Variants in CD1A observed in about 807,000 individuals in gnomAD.
The protein encoded by CD1A is CD1a molecule, also known as T-cell surface glycoprotein CD1a.
Under a neutral mutation model 38.3 loss-of-function variants are expected in CD1A, and 50 were observed. That is an observed-to-expected ratio of 1.30 (90% CI 1.04 to 1.65). The LOEUF (loss-of-function observed/expected upper bound fraction) is 1.65. Ranked by LOEUF, CD1A falls within the 40% of genes most tolerant of loss-of-function variation. CD1A has a pLI of 0.00. For missense variants in CD1A, 459 were observed against 406.1 expected (o/e 1.13, Z -1.12); for synonymous variants, 160 against 150.8 (o/e 1.06, Z -0.45).
intron 2 of CD1A, among the ~76,000 whole-genome samples, chr1:158,255,594 A>G (rs908856298): frequency 6.6e-6 from 1 of 152,146 alleles, no homozygotes; most frequent in Admixed American, 6.5e-5. Context: ...ATCTTTTCTT[A>G]CAGGTATCCC....
Position 158,257,777 on chromosome 1 carries a change from G to A in CD1A, c.*87G>A, listed in dbSNP as rs115555846. 2.6e-5 allele frequency: 29 copies of A among 1,136,672 alleles called. No individual in the cohort carries two copies. Among genetic ancestry groups the A allele is most frequent in the Non-Finnish European group, 3.4e-5 (26 of 760,372 alleles). The allele number at this position is 1,136,672 out of a possible 1,614,324, so 70.4% of individuals were successfully genotyped here. ...GGCTCCAGACACACCTGAACACATC[G>A]TGATGATGACGTCCTCTCAACTCTC... is the stretch of plus-strand genomic sequence containing the variant. On this transcript the variant is annotated 3_prime_UTR_variant, in exon 6 of 6. Transcript: ENST00000289429.
chr1:158,251,961 G>C (rs1359306289), upstream of CD1A, among the ~76,000 whole-genome samples: 1 of 151,850 alleles, frequency 6.6e-6, no homozygotes, highest in Non-Finnish European at 1.5e-5. Flanking sequence ...GGTTCAAGTA[G>C]CTGAGACTAC....
upstream of CD1A, chr1:158,254,212 A>C (rs1650164604): frequency 9.9e-7 from 1 of 1,014,712 alleles, no homozygotes; most frequent in South Asian, 4.0e-5. Context: ...AAGGGGCTGA[A>C]GAGACAGGGG....
chr1:158,249,208 CGTT>C, the CD1A span, among the ~76,000 whole-genome samples: 1 of 152,134 alleles, frequency 6.6e-6, no homozygotes, highest in Non-Finnish European at 1.5e-5. Context: ...TAATTTGTGG[CGTT>C]GTGCAGAATA....
upstream of CD1A, chr1:158,254,030 GGTTTTTTTTTTTTTTTTT>G (rs1175345428): frequency 0.086 from 3,948 of 45,750 alleles, 277 homozygotes; most frequent in African/African-American, 0.16. Flanking sequence ...GTGTTCCTGT[GGTTTTTTTTTTTTTTTTT>G]TTTTTTTTTT....
the CD1A span, among the ~76,000 whole-genome samples, chr1:158,249,383 A>C: frequency 1.3e-5 from 2 of 152,156 alleles, no homozygotes; most frequent in Non-Finnish European, 2.9e-5. Context: ...TTTCTGGTAC[A>C]TAGAGTACAC....
intron 1 of CD1A, 78 bp downstream of exon 1, chr1:158,254,805 G>A (rs867090771): frequency 1.2e-6 from 1 of 854,096 alleles, no homozygotes. Context: ...GTGTGTGTGT[G>A]TGTGTGTGTG....
rs1650273752 is a variant in CD1A, at chr1:158,256,876, C to CTG, written c.695_696insTG (p.Val233AlafsTer4). The stretch of plus-strand genomic sequence containing the variant: ...CATGTCTCAGGATTCTACCCAAAGC[C>CTG]CGTGTGGGTGATGTGGATGCGGGGT... On this transcript the variant is annotated frameshift_variant, in exon 4 of 6. Coordinates refer to ENST00000289429, the MANE Select transcript of CD1A (RefSeq NM_001763.3). LOFTEE classifies it high-confidence loss of function. 1.2e-6 allele frequency: 2 copies of CTG among 1,614,090 alleles called. No individual in the cohort carries two copies. Among genetic ancestry groups the CTG allele is most frequent in the Non-Finnish European group, 1.7e-6 (2 of 1,180,056 alleles).
At position 158,257,879 on chromosome 1, in the gene CD1A, G is replaced by T; in HGVS notation, c.*189G>T. On this transcript the variant is annotated 3_prime_UTR_variant, in exon 6 of 6. Transcript: ENST00000289429. ...AATATAAGCTCAATTTAATTTTGCA[G>T]GATTTGTTGTTCTGACCTGGGTTCT... 3.4e-6 allele frequency: 2 copies of T among 595,772 alleles called. No individual in the cohort carries two copies. Among genetic ancestry groups the T allele is most frequent in the East Asian group, 2.8e-5 (1 of 36,242 alleles). The allele number at this position is 595,772 out of a possible 1,614,324, so 36.9% of individuals were successfully genotyped here. A position where few individuals can be genotyped will look rare whatever the true frequency, so the allele number is the denominator to read the frequency against.
At chr1:158,257,608 T>C in intron 5 of CD1A, 73 bp from the exon 6 acceptor site, 1 of 1,570,328 alleles carries the variant, frequency 6.4e-7, no homozygotes, top group Non-Finnish European at 8.8e-7. Context: ...CTCTCCCCAG[T>C]CCCCTTCCCT....
Position 158,255,268 on chromosome 1 carries a change from G to A in CD1A, c.243G>A (p.Lys81=). Residue 81 remains lysine, a synonymous_variant, in exon 2 of 6, where the codon AAG becomes AAA. Coordinates refer to ENST00000289429, the MANE Select transcript of CD1A (RefSeq NM_001763.3). ...GAAACTTCAGCAATGAGGAGTGGAA[G>A]GAACTGGAAACATTATTCCGTATAC... ...SRGNFSNEEW[K]ELETLFRIRT... The A allele has an allele frequency of 6.2e-7, 1 of 1,614,142 alleles. No homozygotes were observed. The highest frequency in any genetic ancestry group is 8.5e-7 in the Non-Finnish European group (1 of 1,180,022).
chr1:158,255,076 T>C lies in CD1A; in HGVS notation c.59-8T>C, dbSNP rs372873025. ...TTTCTCCCCATTCTATCTGTTCTTT[T>C]GTCGCAGGGCTCAAGGAGCCTCTCT... is the stretch of plus-strand genomic sequence containing the variant. On this transcript the variant is annotated splice_polypyrimidine_tract_variant and splice_region_variant and intron_variant, in intron 1 of 5. Transcript: ENST00000289429. 3 of 1,612,866 alleles carry C rather than the reference T, an allele frequency of 1.9e-6. No homozygotes were observed. The highest frequency in any genetic ancestry group is 2.5e-6 in the Non-Finnish European group (3 of 1,179,024).
the CD1A span, among the ~76,000 whole-genome samples, chr1:158,249,371 G>A: frequency 6.6e-6 from 1 of 152,178 alleles, no homozygotes; most frequent in Non-Finnish European, 1.5e-5. Flanking sequence ...GTGGAGGCCT[G>A]CTTTCTGGTA....
chr1:158,254,975 G>A, intron 1 of CD1A, 109 bp from the exon 2 acceptor site: 2 of 1,142,436 alleles, frequency 1.8e-6, no homozygotes, highest in East Asian at 4.7e-5. Flanking sequence ...CTAAGATCAT[G>A]ATGGATCCCC....
Position 158,255,125 on chromosome 1 carries a change from T to A in CD1A, c.100T>A (p.Ser34Thr). ...CTCCTTCCATGTCACCTGGATCGCA[T>A]CCTTTTACAACCATTCCTGGAAACA... ...PLSFHVTWIA[S>T]FYNHSWKQNL... Residue 34 changes from serine (S) to threonine (T), a missense_variant, in exon 2 of 6, where the codon TCC (serine) becomes ACC (threonine). By Grantham distance (58) the Ser-to-Thr change is moderately conservative (BLOSUM62 1). Coordinates refer to ENST00000289429, the MANE Select transcript of CD1A (RefSeq NM_001763.3). 1 of 1,614,120 alleles carries A rather than the reference T, an allele frequency of 6.2e-7. No homozygotes were observed. Among genetic ancestry groups the A allele is most frequent in the South Asian group, 1.1e-5 (1 of 91,080 alleles).
At chr1:158,256,733 T>A in intron 3 of CD1A, 53 bp from the exon 4 acceptor site, 1 of 1,575,852 alleles carries the variant, frequency 6.3e-7, no homozygotes, top group Non-Finnish European at 8.6e-7. Context: ...TAAACTGTTG[T>A]GGAGATATGA....
At chr1:158,249,278 T>C in the CD1A span, among the ~76,000 whole-genome samples, 12 of 152,192 alleles carry the variant, frequency 7.9e-5, no homozygotes, top group Non-Finnish European at 1.5e-5. Context: ...TACCACAGAC[T>C]GGGTGGCTTA....
chr1:158,255,598 G>A (rs1186773184), intron 2 of CD1A, among the ~76,000 whole-genome samples: 1 of 152,034 alleles, frequency 6.6e-6, no homozygotes, highest in East Asian at 1.9e-4. Context: ...TTTCTTACAG[G>A]TATCCCAGGA....
At position 158,255,355 on chromosome 1, in the gene CD1A, G is replaced by C; in HGVS notation, c.325+5G>C. On this transcript the variant is annotated splice_donor_5th_base_variant and intron_variant, in intron 2 of 5. Transcript: ENST00000289429. ...CCCATGAATTGCAGTTTGAATGTGA[G>C]TTCAGTTTTCTCCATGGAGAGTGGT... The C allele has an allele frequency of 1.2e-6, 2 of 1,612,662 alleles. No individual in the cohort carries two copies. Among genetic ancestry groups the C allele is most frequent in the Non-Finnish European group, 1.7e-6 (2 of 1,178,764 alleles).
Sources: gnomAD v4.1 joint callset for allele counts (sites outside exome capture counted in the v4.1 genomes callset) on GRCh38, gnomAD v4.1.1 for gene constraint, MANE v1.5 for transcripts, NCBI Gene and HGNC (gene_info 2026-07-23, HGNC 2026-07-21) for gene names.